Variants in TMBIM6 observed in about 807,000 individuals in gnomAD.
TMBIM6 encodes the protein bax inhibitor 1.
A neutral mutation model predicts 31.4 loss-of-function variants in TMBIM6; 13 were observed. The observed-to-expected ratio is 0.41, with a 90% CI of 0.27 to 0.66. TMBIM6 has a LOEUF of 0.66. TMBIM6 is among the 30% of genes least tolerant of loss of function. The probability of loss-of-function intolerance (pLI) is 0.28; values close to 1 mark genes in which losing one functional copy is unlikely to be tolerated. For missense variants in TMBIM6, 275 were observed against 289.5 expected, an observed-to-expected ratio of 0.95 and a Z score of 0.36; for synonymous variants, 85 against 101.7, an observed-to-expected ratio of 0.84 and a Z score of 0.99.
Position 49,758,741 on chromosome 12 carries a change from T to G in TMBIM6, c.492T>G (p.Phe164Leu). 6.2e-7 allele frequency: 1 copy of G among 1,614,122 alleles called. No individual in the cohort carries two copies. Among genetic ancestry groups the G allele is most frequent in the Non-Finnish European group, 8.5e-7 (1 of 1,180,016 alleles). Residue 164 changes from phenylalanine to leucine, a missense_variant, in exon 7 of 10, where the codon TTT becomes TTG. Phe to Leu is a conservative substitution (Grantham distance 22). Transcript: ENST00000267115. ...TGTCTTCCCTGGGGAATGTTTTCTTTGGATCCATTTGGCTTTTCCAGGTAA... is the reference window on the plus strand; with the variant it reads ...TGTCTTCCCTGGGGAATGTTTTCTTGGGATCCATTTGGCTTTTCCAGGTAA... ...LLLSSLGNVF[F>L]GSIWLFQANL...
intron 9 of TMBIM6, 67 bp downstream of exon 9, chr12:49,761,846 C>G (rs1945725805): frequency 4.6e-6 from 7 of 1,524,450 alleles, no homozygotes; most frequent in Non-Finnish European, 6.3e-6. Flanking sequence ...GTGTATACTT[C>G]AGATTTGAAA....
At position 49,748,411 on chromosome 12, in the gene TMBIM6, T is replaced by C. The variant is rs1291124042; in HGVS notation, c.-30-4053T>C. 4.6e-5 allele frequency among the ~76,000 whole-genome samples: 7 copies of C among 152,236 alleles called. No homozygotes were observed. The East Asian group carries it at 7.7e-4, about 17-fold the overall frequency. On this transcript the variant is annotated intron_variant, in intron 1 of 9. Transcript: ENST00000267115. ...CAAGCAAAAGCAGACCACAGGAATA[T>C]CTAACTCAAACAATTGTGTTTACTT...
At chr12:49,743,388 C>T (rs1403356036) in intron 1 of TMBIM6, 2 of 151,972 alleles carry the variant, frequency 1.3e-5, no homozygotes, top group Non-Finnish European at 2.9e-5. Flanking sequence ...GCGCGCACCA[C>T]CATGCCCAGC....
intron 1 of TMBIM6, among the ~76,000 whole-genome samples, chr12:49,743,244 G>GT (rs111230811): frequency 0.091 from 13,371 of 146,552 alleles, 1,138 homozygotes; most frequent in African/African-American, 0.23. Flanking sequence ...TTATTATTAT[G>GT]TTTTTTTTTT....
intron 1 of TMBIM6, chr12:49,741,900 G>A: frequency 1.6e-6 from 1 of 608,362 alleles, no homozygotes; most frequent in Admixed American, 3.4e-5. Flanking sequence ...GCTGGCGAAG[G>A]CCCCTTCTCA....
chr12:49,741,732 C>T (rs1945297706), intron 1 of TMBIM6, 121 bp downstream of exon 1: 1 of 220,086 alleles, frequency 4.5e-6, no homozygotes. Flanking sequence ...CCTGAAGGAA[C>T]GAGGCCCTGC....
At chr12:49,742,983 CTTTTTTT>C (rs62678761) in intron 1 of TMBIM6, among the ~76,000 whole-genome samples, 1 of 79,056 alleles carries the variant, frequency 1.3e-5, no homozygotes. Flanking sequence ...CCTTCCTCCT[CTTTTTTT>C]TTTTTTTTTT....
At chr12:49,752,571 G>A (rs778567318) in intron 2 of TMBIM6, 22 bp downstream of exon 2, 6 of 1,563,172 alleles carry the variant, frequency 3.8e-6, no homozygotes, top group Non-Finnish European at 5.3e-6. Flanking sequence ...GACCTTGACT[G>A]GTTTTGTACT....
intron 9 of TMBIM6, 28 bp downstream of exon 9, chr12:49,761,807 G>A (rs762716560): frequency 6.2e-7 from 1 of 1,607,786 alleles, no homozygotes; most frequent in East Asian, 2.2e-5. Flanking sequence ...CCAAAGATGA[G>A]ACAATAATGG....
At chr12:49,755,103 G>T (rs750224629) in intron 3 of TMBIM6, among the ~76,000 whole-genome samples, 1 of 152,016 alleles carries the variant, frequency 6.6e-6, no homozygotes, top group African/African-American at 2.4e-5. Context: ...GATTACAGGC[G>T]TGTGCCACCA....
At chr12:49,753,207 T>C in intron 3 of TMBIM6, 126 bp downstream of exon 3, 3 of 672,602 alleles carry the variant, frequency 4.5e-6, no homozygotes, top group South Asian at 2.1e-5. Context: ...GGATTTAAAC[T>C]CAGACATTAA....
intron 1 of TMBIM6, among the ~76,000 whole-genome samples, chr12:49,743,230 A>AT (rs1284635222): frequency 3.4e-5 from 5 of 147,882 alleles, no homozygotes; most frequent in African/African-American, 1.3e-4. Context: ...TTATTTATTT[A>AT]TTATTATTAT....
At position 49,755,630 on chromosome 12, in the gene TMBIM6, A is replaced by G. The variant is rs942807401; in HGVS notation, c.166-5A>G. ...TTAATGATTGATTGATTCTGACTCT[A>G]ACAGGCTGGCCTGCTGTCTGCCTTG... On this transcript the variant is annotated splice_polypyrimidine_tract_variant and splice_region_variant and intron_variant, in intron 3 of 9. Coordinates refer to ENST00000267115, the MANE Select transcript of TMBIM6 (RefSeq NM_003217.3). The G allele has an allele frequency of 1.2e-6, 2 of 1,612,750 alleles. No homozygotes were observed. Among genetic ancestry groups the G allele is most frequent in the African/African-American group, 2.7e-5 (2 of 74,856 alleles).
intron 1 of TMBIM6, chr12:49,742,401 G>A (rs1945313555): frequency 7.6e-7 from 1 of 1,307,582 alleles, no homozygotes; most frequent in South Asian, 1.5e-5. Context: ...GTGGTAACAA[G>A]TAGGCTTTGG....
At chr12:49,743,621 T>G (rs1307030087) in intron 1 of TMBIM6, 1 of 152,218 alleles carries the variant, frequency 6.6e-6, no homozygotes, top group East Asian at 1.9e-4. Context: ...ATTATAGATA[T>G]AGTTCGCGCT....
intron 4 of TMBIM6, among the ~76,000 whole-genome samples, chr12:49,756,440 C>CTTTTTTTTTT (rs1194535783): frequency 9.5e-6 from 1 of 105,814 alleles, no homozygotes; most frequent in African/African-American, 3.8e-5. Flanking sequence ...TGCCTCCTGG[C>CTTTTTTTTTT]TTTTTTTTTT....
chr12:49,756,084 C>G (rs761881048), intron 4 of TMBIM6, among the ~76,000 whole-genome samples: 4 of 151,894 alleles, frequency 2.6e-5, no homozygotes. Context: ...CCGCCCGTCT[C>G]GGCCTCCTAA....
At chr12:49,758,952 GA>G in intron 7 of TMBIM6, 190 bp downstream of exon 7, 1 of 651,894 alleles carries the variant, frequency 1.5e-6, no homozygotes, top group Non-Finnish European at 2.6e-6. Flanking sequence ...ATTGCTAAGA[GA>G]AAATGGTTTG....
At chr12:49,759,019 GA>G in intron 7 of TMBIM6, 1 of 627,964 alleles carries the variant, frequency 1.6e-6, no homozygotes. Flanking sequence ...TAAAATGATT[GA>G]AACTCTTCCA....
Sources: gnomAD v4.1 joint callset for allele counts (sites outside exome capture counted in the v4.1 genomes callset) on GRCh38, gnomAD v4.1.1 for gene constraint, MANE v1.5 for transcripts, NCBI Gene and HGNC (gene_info 2026-07-23, HGNC 2026-07-21) for gene names.